ATP6AP2: variants seen among roughly 807,000 people sequenced by gnomAD.
ATP6AP2 encodes ATPase H+ transporting accessory protein 2.
In ATP6AP2, 1 loss-of-function variant was observed where a neutral mutation model predicts 23.4. That is an observed-to-expected ratio of 0.04 (90% CI 0.02 to 0.20). The LOEUF is 0.20. ATP6AP2 is among the 10% of genes least tolerant of loss of function. The pLI is 1.00. For synonymous variants in ATP6AP2, 90 were observed against 97.1 expected (o/e 0.93, Z 0.43); for missense variants, 174 against 271.3 (o/e 0.64, Z 2.52).
intron 1 of ATP6AP2, among the ~76,000 whole-genome samples, chrX:40,587,686 A>AT (rs892010804): frequency 8.9e-6 from 1 of 111,935 alleles, no homozygotes; most frequent in African/African-American, 3.2e-5. Flanking sequence ...CTTGGAGCCC[A>AT]TTTTTTTAAT....
At chrX:40,581,443 A>G (rs1926322685) in intron 1 of ATP6AP2, among the ~76,000 whole-genome samples, 1 of 112,908 alleles carries the variant, frequency 8.9e-6, no homozygotes, top group African/African-American at 3.2e-5. Context: ...ATTGAGTCGC[A>G]GCCCGCTGCG....
chrX:40,597,505 A>G, intron 4 of ATP6AP2, 22 bp from the exon 5 acceptor site: 7 of 1,207,972 alleles, frequency 5.8e-6, no homozygotes, highest in Non-Finnish European at 7.8e-6. Flanking sequence ...GAGCAACTTA[A>G]AATTTTCTAT....
chrX:40,603,566 T>C (rs969696172), intron 8 of ATP6AP2: 1 of 110,127 alleles, frequency 9.1e-6, no homozygotes, highest in Non-Finnish European at 1.9e-5. Flanking sequence ...GCTGGGGCTG[T>C]AGGGACAAAT....
At chrX:40,592,323 C>A (rs1480075084) in intron 3 of ATP6AP2, 3 of 111,668 alleles carry the variant, frequency 2.7e-5, no homozygotes, top group Non-Finnish European at 5.6e-5. Context: ...GGAGAATAGG[C>A]CAATTTCCAA....
chrX:40,606,641 G>C lies in ATP6AP2; in HGVS notation c.*886G>C, dbSNP rs1277204535. 1 of 111,970 alleles carries C rather than the reference G, an allele frequency of 8.9e-6. No individual in the cohort carries two copies. The highest frequency in any genetic ancestry group is 1.9e-5 in the Non-Finnish European group (1 of 53,122). 9.2% of individuals were successfully genotyped at this position (111,970 alleles called of 1,213,427 possible). On this transcript the variant is annotated 3_prime_UTR_variant, in exon 9 of 9. Transcript: ENST00000636580. ...TAAAGTTAATGATGATTCCAAATTTGTGTCATTGCAGTACTAAATCTATTT... is the reference window on the plus strand; with the variant it reads ...TAAAGTTAATGATGATTCCAAATTTCTGTCATTGCAGTACTAAATCTATTT...
chrX:40,600,571 A>C, intron 7 of ATP6AP2, 191 bp from the exon 8 acceptor site: 1 of 373,966 alleles, frequency 2.7e-6, no homozygotes, highest in Non-Finnish European at 4.5e-6. Flanking sequence ...TATTTGACTC[A>C]CTGCATAAAA....
intron 8 of ATP6AP2, chrX:40,603,585 G>A (rs1228245169): frequency 1.8e-5 from 2 of 110,346 alleles, no homozygotes; most frequent in East Asian, 5.7e-4. Context: ...ATAGATCTCG[G>A]TTACATTTTC....
intron 3 of ATP6AP2, chrX:40,591,591 G>C (rs1238205298): frequency 1.0e-5 from 4 of 389,536 alleles, no homozygotes; most frequent in Non-Finnish European, 1.7e-5. Context: ...TAAGATAAGA[G>C]ATAGAGAAAT....
chrX:40,596,383 G>A (rs1926775318), intron 3 of ATP6AP2, among the ~76,000 whole-genome samples: 1 of 111,597 alleles, frequency 9.0e-6, no homozygotes, highest in Admixed American at 9.6e-5. Context: ...GTAATACTGG[G>A]AATGAAATAA....
intron 1 of ATP6AP2, among the ~76,000 whole-genome samples, chrX:40,581,726 G>A (rs1012762046): frequency 2.7e-5 from 3 of 111,855 alleles, no homozygotes; most frequent in Non-Finnish European, 3.8e-5. Context: ...CATTTTTAGG[G>A]TCACATGTCA....
At chrX:40,581,188 CTGCGAGGCAGGTGCCGCAG>C in intron 1 of ATP6AP2, 86 bp downstream of exon 1, 1 of 962,100 alleles carries the variant, frequency 1.0e-6, no homozygotes, top group South Asian at 2.8e-5. Context: ...GGGCGAGTAG[CTGCGAGGCAGGTGCCGCAG>C]TGCGGTCCGT....
In ATP6AP2 at chrX:40,601,442, G is replaced by T. The variant is rs184189475; in HGVS notation, c.858+561G>T. On this transcript the variant is annotated intron_variant, in intron 8 of 8. Transcript: ENST00000636580. ...TCTGTGTGCACCTCTTTATGATTTT[G>T]ATTTACTTAACAGTTTTTTTGGGTA... 2.8e-3 allele frequency among the ~76,000 whole-genome samples: 318 copies of T among 111,991 alleles called. 2 individuals are homozygous for T. The highest frequency in any genetic ancestry group is 9.6e-3 in the African/African-American group (294 of 30,763).
intron 5 of ATP6AP2, chrX:40,598,172 GA>G (rs202137772): frequency 0.011 from 1,739 of 160,120 alleles, 12 homozygotes; most frequent in Non-Finnish European, 0.016. Context: ...GCAGTGGAGG[GA>G]GCCACCTCTA....
In ATP6AP2 at chrX:40,591,317, C is replaced by T. The variant is rs190257125; in HGVS notation, c.252C>T (p.Asn84=). ...ATVMVMVKGV[N]KLALPPGSVI... ...TCATGGTGATGGTGAAGGGAGTGAA[C>T]AAACTGGCTCTACCCCCAGGCAGTG... Residue 84 remains asparagine, a synonymous_variant, in exon 3 of 9, where the codon AAC becomes AAT. Transcript: ENST00000636580. 3 of 1,209,461 alleles carry T rather than the reference C, an allele frequency of 2.5e-6. No homozygotes were observed. The Admixed American group carries it at 6.6e-5, about 26-fold the overall frequency.
intron 8 of ATP6AP2, among the ~76,000 whole-genome samples, chrX:40,602,274 T>C (rs757858172): frequency 4.0e-5 from 4 of 98,768 alleles, no homozygotes; most frequent in Non-Finnish European, 5.7e-5. Context: ...ACAGCAAGAC[T>C]CCGTCTCAAA....
Position 40,581,087 on chromosome X carries a change from C to A in ATP6AP2, c.22C>A (p.Leu8Met). 1 of 1,163,805 alleles carries A rather than the reference C, an allele frequency of 8.6e-7. No homozygotes were observed. The highest frequency in any genetic ancestry group is 3.3e-5 in the East Asian group (1 of 30,655). Residue 8 changes from leucine to methionine, a missense_variant, in exon 1 of 9, where the codon CTG becomes ATG. Leu to Met is a conservative substitution (Grantham distance 15). Transcript: ENST00000636580. MAVFVVL[L>M]ALVAGVLGNE... ...CACCATGGCTGTGTTTGTCGTGCTC[C>A]TGGCGTTGGTGGCGGGTGAGGAGCC...
chrX:40,581,145 G>A (rs1391350476), intron 1 of ATP6AP2, 43 bp downstream of exon 1: 1 of 1,107,932 alleles, frequency 9.0e-7, no homozygotes, highest in South Asian at 2.2e-5. Context: ...GGGAGGTCCT[G>A]CGCCGCGGGG....
At chrX:40,590,961 TAC>T in intron 2 of ATP6AP2, 1 of 306,536 alleles carries the variant, frequency 3.3e-6, no homozygotes. Flanking sequence ...ATGTTTTGTT[TAC>T]TTGCTTGCTT....
rs1055791111 is a variant in ATP6AP2 at position 40,593,151 on chromosome X, G to C, written c.300+1786G>C. The stretch of plus-strand genomic sequence containing the variant: ...TAGTCCCAGCTACTCAGTGGCTGAG[G>C]CACGAGAATTACTTGAAACTGGGAG... On this transcript the variant is annotated intron_variant, in intron 3 of 8. Coordinates refer to ENST00000636580, the MANE Select transcript of ATP6AP2 (RefSeq NM_005765.3). Among the ~76,000 whole-genome samples, 6 of 111,023 alleles carry C rather than the reference G, an allele frequency of 5.4e-5. No individual in the cohort carries two copies. In the Admixed American group the frequency reaches 5.7e-4, roughly 11 times the overall value.
Sources: gnomAD v4.1 joint callset for allele counts (sites outside exome capture counted in the v4.1 genomes callset) on GRCh38, gnomAD v4.1.1 for gene constraint, MANE v1.5 for transcripts, NCBI Gene and HGNC (gene_info 2026-07-23, HGNC 2026-07-21) for gene names.